KAT6B: variants seen among roughly 807,000 people sequenced by gnomAD.
KAT6B encodes lysine acetyltransferase 6B.
KAT6B carries 10 observed loss-of-function variants against 187.5 expected under a neutral mutation model. That is an observed-to-expected ratio of 0.05 (90% CI 0.03 to 0.09). The LOEUF (loss-of-function observed/expected upper bound fraction) is 0.09. KAT6B is among the 10% of genes least tolerant of loss of function. KAT6B has a pLI of 1.00. For synonymous variants in KAT6B, 861 were observed against 926.8 expected, an observed-to-expected ratio of 0.93 and a Z score of 1.29; for missense variants, 1,952 against 2,558.9, an observed-to-expected ratio of 0.76 and a Z score of 5.12.
At chr10:74,878,906 A>G (rs1460261315) in intron 3 of KAT6B, among the ~76,000 whole-genome samples, 1 of 152,196 alleles carries the variant, frequency 6.6e-6, no homozygotes, top group Admixed American at 6.6e-5. Flanking sequence ...CTCACAAAAT[A>G]GCTGCTTCAT....
At chr10:74,918,056 G>A (rs1847831721) in intron 3 of KAT6B, among the ~76,000 whole-genome samples, 3 of 152,010 alleles carry the variant, frequency 2.0e-5, no homozygotes, top group Admixed American at 1.3e-4. Context: ...GCATTTAATT[G>A]TAATCAGTGT....
intron 3 of KAT6B, among the ~76,000 whole-genome samples, chr10:74,896,962 C>G (rs1289050695): frequency 6.6e-6 from 1 of 152,134 alleles, no homozygotes; most frequent in Non-Finnish European, 1.5e-5. Flanking sequence ...CCCTTATAGT[C>G]TTTTCTTTGG....
At chr10:74,880,835 C>T (rs772574063) in intron 3 of KAT6B, among the ~76,000 whole-genome samples, 9 of 152,122 alleles carry the variant, frequency 5.9e-5, no homozygotes, top group African/African-American at 1.9e-4. Flanking sequence ...AGGCTGGTCT[C>T]GAACTCCTGG....
At chr10:74,970,844 T>C (rs1405649802) in intron 6 of KAT6B, among the ~76,000 whole-genome samples, 1 of 152,226 alleles carries the variant, frequency 6.6e-6, no homozygotes, top group Non-Finnish European at 1.5e-5. Context: ...TTTTGTAATG[T>C]ACTTTTTCCT....
chr10:74,991,309 A>G (rs993663151), intron 13 of KAT6B, among the ~76,000 whole-genome samples: 1 of 152,188 alleles, frequency 6.6e-6, no homozygotes, highest in Non-Finnish European at 1.5e-5. Context: ...TGCTGTCCAC[A>G]ATCATTGTCT....
intron 13 of KAT6B, among the ~76,000 whole-genome samples, chr10:74,999,014 A>G (rs900396390): frequency 1.3e-5 from 2 of 152,246 alleles, no homozygotes; most frequent in Admixed American, 6.5e-5. Context: ...TCAATTATGT[A>G]AAAAATATGC....
upstream of KAT6B, among the ~76,000 whole-genome samples, chr10:74,825,967 G>C (rs892614895): frequency 6.6e-6 from 1 of 152,002 alleles, no homozygotes; most frequent in Non-Finnish European, 1.5e-5. The surrounding 1 kb of genome is among the most constrained non-coding windows in gnomAD (Gnocchi z 5.0). Context: ...GGAACGCTCC[G>C]GGCGGCGCGC....
intron 3 of KAT6B, among the ~76,000 whole-genome samples, chr10:74,894,752 T>C (rs1290334405): frequency 6.6e-6 from 1 of 152,230 alleles, no homozygotes; most frequent in East Asian, 1.9e-4. Context: ...AAGATTTCCT[T>C]CTTTTTAAGG....
rs754801098 is a variant in KAT6B, at chr10:75,022,108, GGAGGAAGAA to G, written c.3258_3266del (p.Glu1087_Glu1089del). 17 of 1,609,830 alleles carry G rather than the reference GGAGGAAGAA, an allele frequency of 1.1e-5. No individual in the cohort carries two copies. The highest frequency in any genetic ancestry group is 1.7e-5 in the Admixed American group (1 of 59,778). On this transcript the variant is annotated inframe_deletion, in exon 16 of 18. Transcript: ENST00000287239. ...AGGAGGACGAGGAGGAGGAAGAAGA[GGAGGAAGAA>G]GAGGAAGAGGATGAAGAGGAGGAAG...
At chr10:74,877,623 A>C (rs1179684242) in intron 3 of KAT6B, among the ~76,000 whole-genome samples, 1 of 152,222 alleles carries the variant, frequency 6.6e-6, no homozygotes, top group Non-Finnish European at 1.5e-5. Flanking sequence ...TTTTCAAAGC[A>C]TCAAAAATAA....
intron 13 of KAT6B, among the ~76,000 whole-genome samples, chr10:74,992,168 GGTT>G (rs1366861257): frequency 6.6e-6 from 1 of 152,128 alleles, no homozygotes; most frequent in African/African-American, 2.4e-5. Flanking sequence ...AGTCAAATGA[GGTT>G]GTAAATCAGG....
At chr10:74,913,277 C>G (rs1443532142) in intron 3 of KAT6B, among the ~76,000 whole-genome samples, 1 of 152,154 alleles carries the variant, frequency 6.6e-6, no homozygotes, top group African/African-American at 2.4e-5. Flanking sequence ...ATGTCTGAAA[C>G]CACTGATAGT....
intron 1 of KAT6B, among the ~76,000 whole-genome samples, chr10:74,827,739 A>G (rs940726305): frequency 1.3e-5 from 2 of 152,022 alleles, no homozygotes; most frequent in Non-Finnish European, 2.9e-5. Flanking sequence ...TTTTCGGTGA[A>G]TGTGATTTGG....
At chr10:74,934,446 A>G (rs1849100335) in intron 3 of KAT6B, among the ~76,000 whole-genome samples, 1 of 152,054 alleles carries the variant, frequency 6.6e-6, no homozygotes, top group African/African-American at 2.4e-5. Context: ...TTCTCTTCCA[A>G]ATTCCTAGAA....
intron 1 of KAT6B, among the ~76,000 whole-genome samples, chr10:74,830,755 TATATATATATATA>T (rs1310183513): frequency 4.2e-4 from 13 of 30,850 alleles, no homozygotes; most frequent in Admixed American, 7.0e-4. Flanking sequence ...TATATATATA[TATATATATATATA>T]TTTTTTTTTT....
At chr10:74,908,425 G>C (rs941024359) in intron 3 of KAT6B, among the ~76,000 whole-genome samples, 2 of 151,948 alleles carry the variant, frequency 1.3e-5, no homozygotes, top group Non-Finnish European at 2.9e-5. Context: ...GCTGGGCATG[G>C]TGCTGCGTGC....
chr10:74,875,858 G>A (rs1046610878), intron 3 of KAT6B, among the ~76,000 whole-genome samples: 2 of 152,022 alleles, frequency 1.3e-5, no homozygotes, highest in African/African-American at 4.8e-5. Context: ...ATTTTTTACT[G>A]TATGTACTGC....
chr10:74,865,436 CA>C (rs1843485531), intron 3 of KAT6B, among the ~76,000 whole-genome samples: 1 of 151,928 alleles, frequency 6.6e-6, no homozygotes, highest in Non-Finnish European at 1.5e-5. Flanking sequence ...GCCTTCAAGC[CA>C]AAAGCTCAGA....
chr10:75,018,006 GGA>G (rs1845102420), intron 13 of KAT6B, among the ~76,000 whole-genome samples: 1 of 152,226 alleles, frequency 6.6e-6, no homozygotes, highest in South Asian at 2.1e-4. Context: ...GAGTCAGAGA[GGA>G]GAGGGAAAAA....
Sources: allele counts gnomAD v4.1 joint callset (sites outside exome capture counted in the v4.1 genomes callset), GRCh38; gene constraint gnomAD v4.1.1; non-coding constraint Gnocchi (gnomAD v3.1); transcripts MANE v1.5; gene names NCBI Gene and HGNC (gene_info 2026-07-23, HGNC 2026-07-21).